The following ADCY9 variants were observed in gnomAD, a reference collection of about 807,000 sequenced individuals.
The protein encoded by ADCY9 is adenylate cyclase type 9.
In ADCY9, 50 loss-of-function variants were observed where a neutral mutation model predicts 101.5. The observed-to-expected ratio is 0.49, with a 90% CI of 0.39 to 0.62. The LOEUF (loss-of-function observed/expected upper bound fraction) is 0.62. Among genes scored for constraint, ADCY9 ranks in the 20% least tolerant of loss-of-function variants. The pLI is 0.00. For missense variants in ADCY9, 1,662 were observed against 1,800.4 expected (o/e 0.92, Z 1.39); for synonymous variants, 905 against 769.3 (o/e 1.18, Z -2.92).
intron 2 of ADCY9, among the ~76,000 whole-genome samples, chr16:4,018,984 G>A (rs1353629065): frequency 9.2e-5 from 1 of 10,816 alleles, no homozygotes; most frequent in Non-Finnish European, 4.2e-4. Context: ...GTTTTGTTTT[G>A]TTTTTTTAAG....
intron 10 of ADCY9, among the ~76,000 whole-genome samples, chr16:3,973,170 T>G (rs1378970568): frequency 6.6e-6 from 1 of 152,218 alleles, no homozygotes; most frequent in Non-Finnish European, 1.5e-5. Context: ...GTTAATTTAT[T>G]TATTATTGAC....
chr16:4,001,226 G>A (rs1391341495), intron 3 of ADCY9, among the ~76,000 whole-genome samples: 2 of 152,074 alleles, frequency 1.3e-5, no homozygotes, highest in East Asian at 1.9e-4. Context: ...TCTAGGTCCC[G>A]TGTTGCATTT....
At chr16:4,109,289 G>C (rs59323659) in intron 2 of ADCY9, among the ~76,000 whole-genome samples, 3,941 of 152,282 alleles carry the variant, frequency 0.026, 155 homozygotes, top group African/African-American at 0.09. Flanking sequence ...GAATGCAGTG[G>C]TGCAATCACG....
chr16:4,035,649 G>C (rs2056584045), intron 2 of ADCY9, among the ~76,000 whole-genome samples: 1 of 152,110 alleles, frequency 6.6e-6, no homozygotes, highest in African/African-American at 2.4e-5. Flanking sequence ...TTCCTTCTCA[G>C]GGAAATTTCG....
At chr16:4,084,457 G>A (rs2056924867) in intron 2 of ADCY9, among the ~76,000 whole-genome samples, 1 of 152,040 alleles carries the variant, frequency 6.6e-6, no homozygotes, top group Admixed American at 6.6e-5. Flanking sequence ...TGGGCACGGT[G>A]GCTCACACCT....
intron 2 of ADCY9, among the ~76,000 whole-genome samples, chr16:4,055,958 C>T (rs1209881135): frequency 2.6e-5 from 4 of 152,210 alleles, no homozygotes; most frequent in Non-Finnish European, 5.9e-5. Context: ...AGTACAAGCG[C>T]TGCAACGACT....
In ADCY9 at chr16:3,964,068, G is replaced by A. The variant is rs1385164696; in HGVS notation, c.*1707C>T. The A allele has an allele frequency of 6.6e-6, 1 of 152,350 alleles. No individual in the cohort carries two copies. Among genetic ancestry groups the A allele is most frequent in the African/African-American group, 2.4e-5 (1 of 41,442 alleles). The allele number at this position is 152,350 out of a possible 1,614,324, so 9.4% of individuals were successfully genotyped here. Reference sequence around the variant, plus strand: ...CAGGCACCGCCCCTGGAGAGGTGGCGGGTCAGAATTGTGACTTCTTCATGC... The same window carrying A: ...CAGGCACCGCCCCTGGAGAGGTGGCAGGTCAGAATTGTGACTTCTTCATGC... On this transcript the variant is annotated 3_prime_UTR_variant, in exon 11 of 11. Transcript: ENST00000294016.
chr16:4,066,833 T>C (rs2056803943), intron 2 of ADCY9, among the ~76,000 whole-genome samples: 1 of 152,224 alleles, frequency 6.6e-6, no homozygotes, highest in Non-Finnish European at 1.5e-5. Flanking sequence ...TAGGAGCTAT[T>C]AGAATTTCAA....
intron 2 of ADCY9, among the ~76,000 whole-genome samples, chr16:4,078,383 G>A (rs1413098463): frequency 6.6e-6 from 1 of 151,888 alleles, no homozygotes; most frequent in Non-Finnish European, 1.5e-5. Context: ...GCAATATAAT[G>A]AGACCTCCAT....
At position 4,114,918 on chromosome 16, in the gene ADCY9, G is replaced by A. The variant is rs761575969; in HGVS notation, c.525C>T (p.Thr175=). The A allele has an allele frequency of 9.3e-6, 15 of 1,613,816 alleles. No homozygotes were observed. The Admixed American group carries it at 2.2e-4, about 23-fold the overall frequency. ...TKLYARHYAW[T]SLALTLLVFA... ...ACACCAGCAGGGTGAGAGCCAGCGA[G>A]GTCCACGCGTAATGCCGGGCGTACA... Residue 175 remains threonine (T), a synonymous_variant, in exon 2 of 11, where the codon ACC becomes ACT. Transcript: ENST00000294016. This position sits in a 1 kb window ranked among gnomAD's most constrained non-coding sequence, Gnocchi z 4.3.
chr16:4,001,756 T>G (rs1307057690), intron 3 of ADCY9, among the ~76,000 whole-genome samples: 6 of 123,540 alleles, frequency 4.9e-5, no homozygotes, highest in Admixed American at 1.6e-4. Context: ...TTTTTTATTG[T>G]TTTTTTTTTT....
intron 2 of ADCY9, among the ~76,000 whole-genome samples, chr16:4,097,095 A>G (rs1030221640): frequency 6.6e-6 from 1 of 152,078 alleles, no homozygotes; most frequent in South Asian, 2.1e-4. Context: ...CTTAAAAACA[A>G]TTGCCAGAAC....
At chr16:3,960,453 C>T (rs755133427), downstream of ADCY9, among the ~76,000 whole-genome samples, 7 of 151,638 alleles carry the variant, frequency 4.6e-5, no homozygotes, top group Middle Eastern at 3.4e-3. Context: ...ACCTGGGAGG[C>T]GGAGGTTGCA....
rs371930829 is a variant in ADCY9 at position 3,992,141 on chromosome 16, C to T, written c.2207+5G>A. The stretch of plus-strand genomic sequence containing the variant: ...TTGCTTTTTCCCAGACAGCCCCAGT[C>T]GTACCTGTCTTCTTTGATAACGTCC... On this transcript the variant is annotated splice_donor_5th_base_variant and intron_variant, in intron 5 of 10. Coordinates refer to ENST00000294016, the MANE Select transcript of ADCY9 (RefSeq NM_001116.4). This position sits in a 1 kb window ranked among gnomAD's most constrained non-coding sequence, Gnocchi z 4.2. 4.3e-6 allele frequency: 7 copies of T among 1,613,720 alleles called. No homozygotes were observed. The highest frequency in any genetic ancestry group is 5.9e-6 in the Non-Finnish European group (7 of 1,179,768).
chr16:4,060,369 T>C (rs991529647), intron 2 of ADCY9, among the ~76,000 whole-genome samples: 5 of 152,220 alleles, frequency 3.3e-5, no homozygotes, highest in African/African-American at 1.2e-4. Flanking sequence ...CCACTCATCC[T>C]TGGCTAAAGT....
At chr16:4,045,119 C>T (rs763730149) in intron 2 of ADCY9, among the ~76,000 whole-genome samples, 2 of 152,016 alleles carry the variant, frequency 1.3e-5, no homozygotes, top group Non-Finnish European at 2.9e-5. Flanking sequence ...ATGGAAGAGT[C>T]TAGTACCATT....
intron 10 of ADCY9, among the ~76,000 whole-genome samples, chr16:3,967,400 CTCCTT>C: frequency 6.6e-6 from 1 of 151,024 alleles, no homozygotes; most frequent in African/African-American, 2.4e-5. Context: ...TTTTCTCTCT[CTCCTT>C]TGTTTTTTTA....
At position 3,963,394 on chromosome 16, in the gene ADCY9, T is replaced by C. The variant is rs1489888371; in HGVS notation, c.*2381A>G. The C allele has an allele frequency of 2.5e-6, 1 of 398,580 alleles. No homozygotes were observed. The highest frequency in any genetic ancestry group is 1.3e-4 in the South Asian group (1 of 7,860). 24.7% of individuals were successfully genotyped at this position (398,580 alleles called of 1,614,324 possible). A position where few individuals can be genotyped will look rare whatever the true frequency, so the allele number is the denominator to read the frequency against. ...CGGCGTTTCCGCTGCAGAGATTCTG[T>C]GGTTCTGCACTGAGGTATGCATCGG... is the stretch of plus-strand genomic sequence containing the variant. On this transcript the variant is annotated 3_prime_UTR_variant, in exon 11 of 11. Transcript: ENST00000294016.
Position 3,992,810 on chromosome 16 carries a change from G to A in ADCY9, c.1990-447C>T, listed in dbSNP as rs918239868. Among the ~76,000 whole-genome samples, 11 of 152,268 alleles carry A rather than the reference G, an allele frequency of 7.2e-5. No homozygotes were observed. Among genetic ancestry groups the A allele is most frequent in the Admixed American group, 5.2e-4 (8 of 15,290 alleles). Reference sequence around the variant, plus strand: ...AGGTGGATGGAAACGGGCTCGTGTCGTGGGTGTCCCCCGTGGCTGTGGGAA... The same window carrying A: ...AGGTGGATGGAAACGGGCTCGTGTCATGGGTGTCCCCCGTGGCTGTGGGAA... On this transcript the variant is annotated intron_variant, in intron 4 of 10. Transcript: ENST00000294016. This position sits in a 1 kb window ranked among gnomAD's most constrained non-coding sequence, Gnocchi z 4.2.
Sources: allele counts gnomAD v4.1 joint callset (sites outside exome capture counted in the v4.1 genomes callset), GRCh38; gene constraint gnomAD v4.1.1; non-coding constraint Gnocchi (gnomAD v3.1); transcripts MANE v1.5; gene names NCBI Gene and HGNC (gene_info 2026-07-23, HGNC 2026-07-21).